The following ACTN2 variants were observed in gnomAD, a reference collection of about 807,000 sequenced individuals.
The protein encoded by ACTN2 is actinin alpha 2, also known as alpha-actinin-2.
In ACTN2, 39 loss-of-function variants were observed where a neutral mutation model predicts 113.8. The observed-to-expected ratio is 0.34, with a 90% CI of 0.27 to 0.45. ACTN2 has a LOEUF of 0.45. Ranked by LOEUF, ACTN2 falls within the 20% of genes least tolerant of loss-of-function variation. The pLI is 1.00. For synonymous variants in ACTN2, 429 were observed against 444.1 expected (o/e 0.97, Z 0.43); for missense variants, 992 against 1,177.9 (o/e 0.84, Z 2.31).
intron 7 of ACTN2, 44 bp downstream of exon 7, chr1:236,731,358 A>T: frequency 6.7e-7 from 1 of 1,486,706 alleles, no homozygotes; most frequent in Non-Finnish European, 9.4e-7. Context: ...AAATTTGAAG[A>T]CTACAAATGT....
At chr1:236,736,533 A>G (rs923992892) in intron 8 of ACTN2, 22 of 1,390,776 alleles carry the variant, frequency 1.6e-5, no homozygotes, top group Admixed American at 2.0e-5. Context: ...AGAATTGTGT[A>G]TTACCTCAAT....
intron 13 of ACTN2, chr1:236,748,283 C>A (rs570162773): frequency 6.2e-6 from 1 of 160,920 alleles, no homozygotes; most frequent in Admixed American, 5.9e-5. Flanking sequence ...ACATCTCCCA[C>A]GTGAGAGAAA....
chr1:236,697,760 CTTT>C (rs750251378), intron 1 of ACTN2, among the ~76,000 whole-genome samples: 10 of 124,996 alleles, frequency 8.0e-5, no homozygotes, highest in Non-Finnish European at 1.2e-4. Flanking sequence ...GAAACAAGTT[CTTT>C]TTTTTTTTTT....
intron 4 of ACTN2, among the ~76,000 whole-genome samples, chr1:236,723,661 C>T (rs747344245): frequency 2.3e-4 from 35 of 151,828 alleles, no homozygotes; most frequent in East Asian, 1.2e-3. Context: ...AGATGGGATT[C>T]GCCATCTTGG....
intron 7 of ACTN2, among the ~76,000 whole-genome samples, chr1:236,732,766 A>G (rs1572126447): frequency 6.6e-6 from 1 of 152,202 alleles, no homozygotes; most frequent in South Asian, 2.1e-4. Flanking sequence ...TTACAAGGAT[A>G]CCAGTCACAT....
chr1:236,741,425 C>T (rs1659063345), intron 10 of ACTN2, among the ~76,000 whole-genome samples: 1 of 152,176 alleles, frequency 6.6e-6, no homozygotes, highest in Non-Finnish European at 1.5e-5. Flanking sequence ...AATTCCAGGC[C>T]AGTATATCCA....
chr1:236,742,536 A>T (rs76127674), intron 10 of ACTN2, among the ~76,000 whole-genome samples: 4 of 140,096 alleles, frequency 2.9e-5, no homozygotes, highest in Admixed American at 6.9e-5. Flanking sequence ...CCATTTCTTT[A>T]AAAAAAAACA....
intron 18 of ACTN2, among the ~76,000 whole-genome samples, chr1:236,758,301 T>TTTTTTTTTTTTG (rs1558250689): frequency 1.2e-4 from 17 of 141,246 alleles, no homozygotes; most frequent in Admixed American, 2.1e-4. Context: ...TTTTTTTTTT[T>TTTTTTTTTTTTG]AATGAGACGG....
At chr1:236,703,856 C>A (rs1007555438) in intron 1 of ACTN2, among the ~76,000 whole-genome samples, 1 of 151,934 alleles carries the variant, frequency 6.6e-6, no homozygotes, top group African/African-American at 2.4e-5. Context: ...GCTGAAAAAT[C>A]AGAATTAGGA....
At chr1:236,709,944 A>G (rs1657975701) in intron 1 of ACTN2, among the ~76,000 whole-genome samples, 1 of 152,250 alleles carries the variant, frequency 6.6e-6, no homozygotes, top group Non-Finnish European at 1.5e-5. Context: ...AAATGTATAG[A>G]TATGTTGCCA....
At chr1:236,757,705 C>T (rs936697616) in intron 18 of ACTN2, 73 bp downstream of exon 18, 24 of 1,585,068 alleles carry the variant, frequency 1.5e-5, no homozygotes, top group Non-Finnish European at 2.1e-5. Flanking sequence ...TATGCATGCT[C>T]TCGTTTTAAG....
chr1:236,706,571 G>C (rs574111510), intron 1 of ACTN2, among the ~76,000 whole-genome samples: 1 of 152,288 alleles, frequency 6.6e-6, no homozygotes. Flanking sequence ...TGTTGGGGGA[G>C]AATCAACAGA....
At chr1:236,749,834 TACA>T (rs1659343936) in intron 14 of ACTN2, among the ~76,000 whole-genome samples, 1 of 152,136 alleles carries the variant, frequency 6.6e-6, no homozygotes, top group Non-Finnish European at 1.5e-5. Context: ...CAACTACAAC[TACA>T]ACAACTGCTG....
chr1:236,740,986 G>A (rs1222952397), intron 10 of ACTN2, among the ~76,000 whole-genome samples: 1 of 152,152 alleles, frequency 6.6e-6, no homozygotes, highest in East Asian at 1.9e-4. Flanking sequence ...GCTTGGTGCT[G>A]AGCCCTCTTC....
intron 5 of ACTN2, among the ~76,000 whole-genome samples, chr1:236,727,159 A>C (rs1477820672): frequency 7.0e-6 from 1 of 142,674 alleles, no homozygotes; most frequent in Non-Finnish European, 1.5e-5. Context: ...CTTCACCTAC[A>C]TGCCTTTGCC....
In ACTN2 at chr1:236,719,042, G is replaced by A. The variant is rs370020363; in HGVS notation, c.361+29G>A. 1.2e-5 allele frequency: 20 copies of A among 1,612,946 alleles called. 1 individual carries two copies. The highest frequency in any genetic ancestry group is 3.3e-5 in the South Asian group (3 of 91,028). On this transcript the variant is annotated intron_variant, in intron 3 of 20. Coordinates refer to ENST00000366578, the MANE Select transcript of ACTN2 (RefSeq NM_001103.4). Reference sequence around the variant, plus strand: ...AGAGGTGTGGTGGGTGGTCCTGTCTGCCACACTGACCTAATAGCGTAGGTG... The same window carrying A: ...AGAGGTGTGGTGGGTGGTCCTGTCTACCACACTGACCTAATAGCGTAGGTG...
intron 9 of ACTN2, 146 bp from the exon 10 acceptor site, chr1:236,739,156 C>T (rs1025060513): frequency 2.3e-6 from 2 of 852,416 alleles, no homozygotes; most frequent in Admixed American, 2.0e-5. Flanking sequence ...ACATCTCGTT[C>T]ATGCCTCTGT....
intron 11 of ACTN2, among the ~76,000 whole-genome samples, chr1:236,743,462 G>A (rs1161917507): frequency 1.3e-5 from 2 of 152,116 alleles, no homozygotes; most frequent in Non-Finnish European, 2.9e-5. Flanking sequence ...CTGGGAGGGA[G>A]GATGCAAGAT....
At chr1:236,694,804 C>T (rs2102862015) in intron 1 of ACTN2, among the ~76,000 whole-genome samples, 1 of 152,262 alleles carries the variant, frequency 6.6e-6, no homozygotes. Flanking sequence ...GTGGCTCATG[C>T]CCATATTCCC....
Sources: gnomAD v4.1 joint callset for allele counts (sites outside exome capture counted in the v4.1 genomes callset) on GRCh38, gnomAD v4.1.1 for gene constraint, MANE v1.5 for transcripts, NCBI Gene and HGNC (gene_info 2026-07-23, HGNC 2026-07-21) for gene names.